JARID2: variants seen among roughly 807,000 people sequenced by gnomAD.
The protein encoded by JARID2 is jumonji and AT-rich interaction domain containing 2, also known as protein Jumonji.
In JARID2, 21 loss-of-function variants were observed where a neutral mutation model predicts 125.6. The observed-to-expected ratio is 0.17, with a 90% confidence interval of 0.12 to 0.24. The LOEUF (loss-of-function observed/expected upper bound fraction) is 0.24, where lower values mean the gene tolerates loss of function less well. JARID2 is among the 10% of genes least tolerant of loss of function. The probability of loss-of-function intolerance (pLI) is 1.00; values close to 1 mark genes in which losing one functional copy is unlikely to be tolerated. For missense variants in JARID2, 1,303 were observed against 1,639.6 expected (o/e 0.79, Z 3.55); for synonymous variants, 736 against 661.6 (o/e 1.11, Z -1.73).
intron 1 of JARID2, among the ~76,000 whole-genome samples, chr6:15,299,921 T>C (rs1761544322): frequency 1.3e-5 from 2 of 152,200 alleles, no homozygotes; most frequent in Admixed American, 6.5e-5. Context: ...ATGGGGGTCC[T>C]GTCCGGCCAG....
At chr6:15,401,283 C>G (rs895841985) in intron 2 of JARID2, among the ~76,000 whole-genome samples, 2 of 152,136 alleles carry the variant, frequency 1.3e-5, no homozygotes, top group Non-Finnish European at 2.9e-5. Flanking sequence ...TGGAAATTTA[C>G]AAGAGAGAAT....
At chr6:15,500,792 G>C in intron 7 of JARID2, 115 bp from the exon 8 acceptor site, 2 of 880,294 alleles carry the variant, frequency 2.3e-6, no homozygotes, top group Non-Finnish European at 3.6e-6. Flanking sequence ...TCACCCCAGA[G>C]CCTGTCAGAG....
At chr6:15,366,417 T>G (rs1165571026) in intron 1 of JARID2, among the ~76,000 whole-genome samples, 1 of 149,712 alleles carries the variant, frequency 6.7e-6, no homozygotes, top group Non-Finnish European at 1.5e-5. Flanking sequence ...CTTTGGGCAT[T>G]GGAGTCAGGA....
chr6:15,488,390 C>T (rs934327757), intron 6 of JARID2, among the ~76,000 whole-genome samples: 8 of 152,234 alleles, frequency 5.3e-5, no homozygotes, highest in South Asian at 2.1e-4. Context: ...CTGTTCCCCC[C>T]TCCATTTTAA....
chr6:15,382,241 C>T (rs1410021453), intron 2 of JARID2, among the ~76,000 whole-genome samples: 1 of 152,178 alleles, frequency 6.6e-6, no homozygotes, highest in East Asian at 1.9e-4. Context: ...CCAGCCTAGG[C>T]AACAGAGTGA....
intron 16 of JARID2, 106 bp from the exon 17 acceptor site, chr6:15,517,055 G>A (rs567806079): frequency 1.1e-4 from 87 of 765,088 alleles, no homozygotes; most frequent in Non-Finnish European, 1.1e-4. Context: ...ACTCTGGCGC[G>A]GGCAGTGGGT....
chr6:15,336,172 C>T lies in JARID2; in HGVS notation c.46-37945C>T, dbSNP rs892781701. Among the ~76,000 whole-genome samples, 8 of 152,282 alleles carry T rather than the reference C, an allele frequency of 5.3e-5. No homozygotes were observed. The East Asian group carries it at 7.7e-4, about 15-fold the overall frequency. ...TATCATCCCAGAAGAGAGGTAATTC[C>T]GGTGAGTGCTGTGGAGATCAGTGGC... On this transcript the variant is annotated intron_variant, in intron 1 of 17. Transcript: ENST00000341776.
At chr6:15,406,776 C>T (rs1765668222) in intron 2 of JARID2, among the ~76,000 whole-genome samples, 1 of 152,150 alleles carries the variant, frequency 6.6e-6, no homozygotes, top group African/African-American at 2.4e-5. Context: ...TATACTTAAG[C>T]AATTGATTTG....
At chr6:15,475,284 C>T (rs1769285826) in intron 5 of JARID2, among the ~76,000 whole-genome samples, 1 of 152,216 alleles carries the variant, frequency 6.6e-6, no homozygotes, top group Non-Finnish European at 1.5e-5. Context: ...GGCAATCAGG[C>T]ACCAGTGCCT....
At position 15,352,005 on chromosome 6, in the gene JARID2, G is replaced by A. The variant is rs1333365969; in HGVS notation, c.46-22112G>A. 2.0e-5 allele frequency among the ~76,000 whole-genome samples: 3 copies of A among 152,074 alleles called. No homozygotes were observed. In the East Asian group the frequency reaches 5.8e-4, roughly 29 times the overall value. On this transcript the variant is annotated intron_variant, in intron 1 of 17. Transcript: ENST00000341776. ...GGATAATCACTGCGCCGAATCTGAG[G>A]CTGTGAGGCATTTAAAATTGATGTT...
chr6:15,511,474 A>C, intron 13 of JARID2, 73 bp downstream of exon 13: 1 of 1,026,468 alleles, frequency 9.7e-7, no homozygotes, highest in Admixed American at 1.7e-5. Flanking sequence ...GTTTCCCATG[A>C]ACCCGCCTTT....
rs74694729 is a variant in JARID2, at chr6:15,463,448, G to A, written c.494-5094G>A. On this transcript the variant is annotated intron_variant, in intron 4 of 17. Coordinates refer to ENST00000341776, the MANE Select transcript of JARID2 (RefSeq NM_004973.4). The stretch of plus-strand genomic sequence containing the variant: ...TCCTTTTTTTTTTTTTTTTTTTTCC[G>A]AGGTGGAGTTGCCCTCTTGTTGCCC... 8.8e-3 allele frequency among the ~76,000 whole-genome samples: 981 copies of A among 112,098 alleles called. 20 individuals are homozygous for A. The highest frequency in any genetic ancestry group is 0.033 in the African/African-American group (944 of 28,500). 73.5% of individuals were successfully genotyped at this position (112,098 alleles called of 152,430 possible).
intron 2 of JARID2, among the ~76,000 whole-genome samples, chr6:15,380,501 T>C (rs1764539237): frequency 6.6e-6 from 1 of 152,212 alleles, no homozygotes. Flanking sequence ...GACACACAGA[T>C]GCATCCGTTA....
chr6:15,431,966 G>C (rs1246495053), intron 3 of JARID2, among the ~76,000 whole-genome samples: 2 of 152,196 alleles, frequency 1.3e-5, no homozygotes, highest in East Asian at 3.8e-4. Context: ...CAGGCTCACT[G>C]TGCTCAGTAG....
chr6:15,306,928 T>A (rs539248526), intron 1 of JARID2, among the ~76,000 whole-genome samples: 1 of 148,114 alleles, frequency 6.8e-6, no homozygotes, highest in East Asian at 2.0e-4. Flanking sequence ...TTAATGTATA[T>A]TATATATATA....
At chr6:15,423,380 T>C (rs1649718153) in intron 3 of JARID2, among the ~76,000 whole-genome samples, 1 of 152,094 alleles carries the variant, frequency 6.6e-6, no homozygotes, top group South Asian at 2.1e-4. Context: ...TGGTTTTGGC[T>C]TTTGGGAAGA....
intron 8 of JARID2, among the ~76,000 whole-genome samples, chr6:15,503,135 C>G (rs13209668): frequency 6.6e-6 from 1 of 152,098 alleles, no homozygotes; most frequent in Non-Finnish European, 1.5e-5. Context: ...GTGGCCATGG[C>G]GAAGCCCCCA....
At chr6:15,287,538 GGT>G in intron 1 of JARID2, among the ~76,000 whole-genome samples, 1 of 152,206 alleles carries the variant, frequency 6.6e-6, no homozygotes, top group Non-Finnish European at 1.5e-5. Context: ...TTACATTTTT[GGT>G]GTGTGGCGTA....
At chr6:15,487,674 A>G in intron 6 of JARID2, 132 bp downstream of exon 6, 2 of 792,248 alleles carry the variant, frequency 2.5e-6, no homozygotes, top group Non-Finnish European at 4.0e-6. Flanking sequence ...AGGGACAGAC[A>G]GAGCGCACCT....
Sources: gnomAD v4.1 joint callset for allele counts (sites outside exome capture counted in the v4.1 genomes callset) on GRCh38, gnomAD v4.1.1 for gene constraint, MANE v1.5 for transcripts, NCBI Gene and HGNC (gene_info 2026-07-23, HGNC 2026-07-21) for gene names.